CNBD1: variants seen among roughly 807,000 people sequenced by gnomAD.
The protein encoded by CNBD1 is cyclic nucleotide binding domain containing 1.
Under a neutral mutation model 54.4 loss-of-function variants are expected in CNBD1, and 71 were observed. The ratio of observed to expected loss-of-function variants is 1.30; its 90% CI spans 1.08 to 1.59. The LOEUF (loss-of-function observed/expected upper bound fraction) is 1.59, where lower values mean the gene tolerates loss of function less well. Ranked by LOEUF, CNBD1 falls within the 40% of genes most tolerant of loss-of-function variation. The pLI is 0.00. For synonymous variants in CNBD1, 182 were observed against 170.7 expected, an observed-to-expected ratio of 1.07 and a Z score of -0.51; for missense variants, 659 against 518.0, an observed-to-expected ratio of 1.27 and a Z score of -2.64.
chr8:86,930,857 G>T (rs1324501563), intron 3 of CNBD1, among the ~76,000 whole-genome samples: 2 of 152,122 alleles, frequency 1.3e-5, no homozygotes, highest in Non-Finnish European at 2.9e-5. Context: ...AAACTTCAGG[G>T]CTTAGGGGAT....
chr8:87,377,488 T>A (rs1323168083), intron 10 of CNBD1, among the ~76,000 whole-genome samples: 1 of 152,106 alleles, frequency 6.6e-6, no homozygotes, highest in East Asian at 1.9e-4. Context: ...GAACTCATCA[T>A]TTTGTATGGC....
chr8:86,920,526 T>C (rs554631225), intron 3 of CNBD1, among the ~76,000 whole-genome samples: 20 of 152,272 alleles, frequency 1.3e-4, no homozygotes, highest in Admixed American at 1.0e-3. Flanking sequence ...AACAAAAGAA[T>C]TTTGGCAATG....
At chr8:87,424,473 G>T (rs1808007190) in intron 2 of CNBD1, among the ~76,000 whole-genome samples, 1 of 152,092 alleles carries the variant, frequency 6.6e-6, no homozygotes, top group African/African-American at 2.4e-5. Context: ...CTGGTATGTT[G>T]TGTCTTTGTT....
chr8:87,320,398 AT>A (rs1477621550), intron 8 of CNBD1, among the ~76,000 whole-genome samples: 3 of 152,128 alleles, frequency 2.0e-5, no homozygotes, highest in African/African-American at 4.8e-5. Context: ...CAATACCTTT[AT>A]AAAAATTGGC....
intron 8 of CNBD1, among the ~76,000 whole-genome samples, chr8:87,324,873 T>G (rs2130903696): frequency 9.1e-6 from 1 of 109,738 alleles, no homozygotes; most frequent in East Asian, 2.1e-4. Context: ...CTTGCTTTTC[T>G]AGTTCTTTTA....
intron 5 of CNBD1, among the ~76,000 whole-genome samples, chr8:87,227,193 C>G (rs1417902382): frequency 1.3e-5 from 2 of 152,146 alleles, no homozygotes; most frequent in African/African-American, 4.8e-5. Flanking sequence ...ACTCTTTATC[C>G]AATTTGCCAG....
intron 4 of CNBD1, among the ~76,000 whole-genome samples, chr8:87,087,596 T>C (rs1391189287): frequency 6.6e-6 from 1 of 151,332 alleles, no homozygotes; most frequent in Non-Finnish European, 1.5e-5. Flanking sequence ...CCCGAGTAGC[T>C]GGGACTACAG....
intron 3 of CNBD1, among the ~76,000 whole-genome samples, chr8:86,928,678 C>T (rs552124940): frequency 6.6e-6 from 1 of 152,310 alleles, no homozygotes; most frequent in African/African-American, 2.4e-5. Flanking sequence ...TGGGTGAAGT[C>T]TCACTGCCAG....
intron 4 of CNBD1, among the ~76,000 whole-genome samples, chr8:87,019,535 A>G (rs1809438179): frequency 6.6e-6 from 1 of 152,220 alleles, no homozygotes; most frequent in South Asian, 2.1e-4. Flanking sequence ...CATTTAATTT[A>G]TACCCTCCTC....
At chr8:87,173,032 T>C (rs975436590) in intron 4 of CNBD1, among the ~76,000 whole-genome samples, 3 of 152,138 alleles carry the variant, frequency 2.0e-5, no homozygotes, top group African/African-American at 7.2e-5. Flanking sequence ...TTTTTGTGTA[T>C]TTGTTGTATA....
intron 5 of CNBD1, among the ~76,000 whole-genome samples, chr8:87,232,385 C>T (rs1807463039): frequency 6.6e-6 from 1 of 152,100 alleles, no homozygotes; most frequent in African/African-American, 2.4e-5. Flanking sequence ...TTTATACTCC[C>T]AGTAACAATG....
At chr8:87,339,789 GTC>G (rs1563560044) in intron 8 of CNBD1, among the ~76,000 whole-genome samples, 1 of 151,932 alleles carries the variant, frequency 6.6e-6, no homozygotes, top group African/African-American at 2.4e-5. Flanking sequence ...CATACAATGA[GTC>G]TACACTTTTA....
chr8:87,390,985 A>G (rs998804806), intron 2 of CNBD1, among the ~76,000 whole-genome samples: 24 of 151,960 alleles, frequency 1.6e-4, no homozygotes, highest in Non-Finnish European at 1.3e-4. Context: ...GCAAACTATC[A>G]CAAGGACAAA....
chr8:87,119,358 C>T (rs1312115191), intron 4 of CNBD1, among the ~76,000 whole-genome samples: 1 of 151,094 alleles, frequency 6.6e-6, no homozygotes, highest in African/African-American at 2.4e-5. Context: ...AGTGGGATAG[C>T]TTGCTTGATT....
rs1000350089 is a variant in CNBD1 at position 87,083,590 on chromosome 8, T to C, written c.432-122403T>C. ...TGGACCAAACCAATGTATTTCTTTT[T>C]TTTTTTTTTTTTTTTTGAGACGGAG... On this transcript the variant is annotated intron_variant, in intron 4 of 10. Coordinates refer to ENST00000518476, the MANE Select transcript of CNBD1 (RefSeq NM_173538.3). Among the ~76,000 whole-genome samples the C allele has an allele frequency of 1.2e-4, 17 of 146,834 alleles. No homozygotes were observed. In the East Asian group the frequency reaches 1.2e-3, roughly 10 times the overall value.
intron 6 of CNBD1, among the ~76,000 whole-genome samples, chr8:87,272,199 T>C (rs1446424652): frequency 3.3e-5 from 5 of 151,942 alleles, no homozygotes; most frequent in African/African-American, 1.2e-4. Context: ...TTAACATTAA[T>C]AGATTGCACA....
chr8:87,089,211 T>C (rs933120848), intron 4 of CNBD1, among the ~76,000 whole-genome samples: 1 of 152,120 alleles, frequency 6.6e-6, no homozygotes, highest in Non-Finnish European at 1.5e-5. Context: ...GTAATTTGAC[T>C]AGGAATAGTG....
intron 4 of CNBD1, among the ~76,000 whole-genome samples, chr8:86,942,181 G>T (rs1313717618): frequency 1.3e-5 from 2 of 152,182 alleles, no homozygotes; most frequent in Non-Finnish European, 2.9e-5. Context: ...ACTATTAATA[G>T]TAAGTAAAAG....
At chr8:87,412,039 A>G (rs1004642947) in intron 2 of CNBD1, among the ~76,000 whole-genome samples, 13 of 152,010 alleles carry the variant, frequency 8.6e-5, no homozygotes, top group Non-Finnish European at 1.9e-4. Flanking sequence ...TGGGGCACAA[A>G]TACCCTTTTT....
Sources: gnomAD v4.1 joint callset for allele counts (sites outside exome capture counted in the v4.1 genomes callset) on GRCh38, gnomAD v4.1.1 for gene constraint, MANE v1.5 for transcripts, NCBI Gene and HGNC (gene_info 2026-07-23, HGNC 2026-07-21) for gene names.